The following MRPL42 variants were observed in gnomAD, a reference collection of about 807,000 sequenced individuals.
The protein encoded by MRPL42 is mitochondrial ribosomal protein L42.
MRPL42 carries 17 observed loss-of-function variants against 17.9 expected under a neutral mutation model. That is an observed-to-expected ratio of 0.95 (90% CI 0.65 to 1.42). The LOEUF (loss-of-function observed/expected upper bound fraction) is 1.42, where lower values mean the gene tolerates loss of function less well. MRPL42 is among the 40% of genes most tolerant of loss of function. MRPL42 has a pLI of 0.00. For missense variants in MRPL42, 177 were observed against 175.2 expected (o/e 1.01, Z -0.06); for synonymous variants, 59 against 54.4 (o/e 1.08, Z -0.37).
rs1265437607 is a variant in MRPL42, at chr12:93,495,424, T to G, written c.384-5752T>G. Reference sequence around the variant, plus strand: ...TTGTTGTTTGTATTTTTTGGAGAGATAGGGTTTGCCATGTTGCCCATGCTG... The same window carrying G: ...TTGTTGTTTGTATTTTTTGGAGAGAGAGGGTTTGCCATGTTGCCCATGCTG... On this transcript the variant is annotated intron_variant, in intron 5 of 5. Transcript: ENST00000549982. Among the ~76,000 whole-genome samples, 18 of 152,070 alleles carry G rather than the reference T, an allele frequency of 1.2e-4. No homozygotes were observed. The South Asian group carries it at 2.5e-3, about 21-fold the overall frequency.
At chr12:93,470,821 A>G (rs1392113704) in intron 2 of MRPL42, among the ~76,000 whole-genome samples, 2 of 152,244 alleles carry the variant, frequency 1.3e-5, no homozygotes, top group African/African-American at 2.4e-5. Flanking sequence ...GTAATAATCC[A>G]TGGTATGCAT....
Position 93,512,049 on chromosome 12 carries a change from C to T in MRPL42, c.*10828C>T, listed in dbSNP as rs2121306291. The T allele has an allele frequency of 6.6e-6, 1 of 152,308 alleles. No individual in the cohort carries two copies. The highest frequency in any genetic ancestry group is 1.9e-4 in the East Asian group (1 of 5,182). The allele number at this position is 152,308 out of a possible 1,614,324, so 9.4% of individuals were successfully genotyped here. A position where few individuals can be genotyped will look rare whatever the true frequency, so the allele number is the denominator to read the frequency against. On this transcript the variant is annotated 3_prime_UTR_variant, in exon 6 of 6. Coordinates refer to ENST00000549982, the MANE Select transcript of MRPL42 (RefSeq NM_014050.4). The stretch of plus-strand genomic sequence containing the variant: ...ATGTAATAGTTTGGAAAACAAACAA[C>T]TGTGATTACATTTAGAGATATGATG...
At chr12:93,479,733 G>C (rs1024720436) in intron 4 of MRPL42, among the ~76,000 whole-genome samples, 1 of 151,704 alleles carries the variant, frequency 6.6e-6, no homozygotes, top group East Asian at 1.9e-4. Flanking sequence ...TAGATTTCTG[G>C]TTAAGGATCA....
chr12:93,470,277 A>G (rs1039061901), intron 2 of MRPL42, among the ~76,000 whole-genome samples: 5 of 152,156 alleles, frequency 3.3e-5, no homozygotes, highest in African/African-American at 1.2e-4. Flanking sequence ...GGACCCAAAT[A>G]AGTAAATAGA....
chr12:93,488,517 T>C, intron 5 of MRPL42: 1 of 371,938 alleles, frequency 2.7e-6, no homozygotes, highest in Non-Finnish European at 4.8e-6. Flanking sequence ...ATTTTTACAT[T>C]CTATGATGTA....
At chr12:93,488,583 C>T (rs1178119826) in intron 5 of MRPL42, 1 of 297,772 alleles carries the variant, frequency 3.4e-6, no homozygotes, top group African/African-American at 2.2e-5. Context: ...ATTGTGTCTT[C>T]AGCCCTTTAT....
In MRPL42 at chr12:93,479,397, G is replaced by T; in HGVS notation, c.144G>T (p.Glu48Asp). The T allele has an allele frequency of 6.2e-7, 1 of 1,609,394 alleles. No individual in the cohort carries two copies. The highest frequency in any genetic ancestry group is 8.5e-7 in the Non-Finnish European group (1 of 1,177,834). The part of the protein sequence containing the change: ...PLPDDYNCNV[E>D]LALTSDGRTI... ...ACATTCTTTTTTTTAGCAACGTAGA[G>T]CTTGCTCTGACTTCTGATGGCAGGA... The change falls in exon 4 of 6, where the codon GAG becomes GAT. Residue 48 changes from glutamate to aspartate, a missense_variant. Coordinates refer to ENST00000549982, the MANE Select transcript of MRPL42 (RefSeq NM_014050.4).
At chr12:93,494,244 TCTGG>T (rs1384370007) in intron 5 of MRPL42, among the ~76,000 whole-genome samples, 2 of 152,204 alleles carry the variant, frequency 1.3e-5, no homozygotes, top group Admixed American at 1.3e-4. Flanking sequence ...AGTAGGTTAC[TCTGG>T]CTGCTACGCT....
chr12:93,500,338 G>T (rs933144916), intron 5 of MRPL42, among the ~76,000 whole-genome samples: 1 of 152,042 alleles, frequency 6.6e-6, no homozygotes, highest in Non-Finnish European at 1.5e-5. Context: ...AAAGTATTTT[G>T]AAGTAAAAGT....
At chr12:93,469,104 G>A (rs1409186027) in intron 1 of MRPL42, 88 bp from the exon 2 acceptor site, 8 of 513,540 alleles carry the variant, frequency 1.6e-5, no homozygotes, top group Non-Finnish European at 1.7e-5. Flanking sequence ...TTGACTTCTA[G>A]GCAGTGATTC....
At chr12:93,495,057 G>A (rs1953473034) in intron 5 of MRPL42, among the ~76,000 whole-genome samples, 1 of 152,096 alleles carries the variant, frequency 6.6e-6, no homozygotes. Flanking sequence ...TCTGTGATCT[G>A]GTGTGGTAAC....
Position 93,494,084 on chromosome 12 carries a change from C to G in MRPL42, c.383+6424C>G, listed in dbSNP as rs574016218. ...AGGCCATGTAGCCAGAATACATGAA[C>G]AAGGAAAAGACAGTAGGGCATGAGA... is the stretch of plus-strand genomic sequence containing the variant. On this transcript the variant is annotated intron_variant, in intron 5 of 5. Transcript: ENST00000549982. Among the ~76,000 whole-genome samples, 728 of 143,682 alleles carry G rather than the reference C, an allele frequency of 5.1e-3. 4 individuals carry two copies. The highest frequency in any genetic ancestry group is 8.9e-3 in the Non-Finnish European group (593 of 66,268). The allele number at this position is 143,682 out of a possible 152,430, so 94.3% of individuals were successfully genotyped here.
rs12427426 is a variant in MRPL42 at position 93,501,358 on chromosome 12, A to G, written c.*137A>G. On this transcript the variant is annotated 3_prime_UTR_variant, in exon 6 of 6. Coordinates refer to ENST00000549982, the MANE Select transcript of MRPL42 (RefSeq NM_014050.4). ...TTCATATATTAGAATGTGTACTTTT[A>G]TATAAAGTAATTCTGGATTTGACAT... 8.1e-5 allele frequency: 40 copies of G among 491,350 alleles called. No individual in the cohort carries two copies. The Admixed American group carries it at 1.2e-3, about 15-fold the overall frequency. 30.4% of individuals were successfully genotyped at this position (491,350 alleles called of 1,614,324 possible). A position where few individuals can be genotyped will look rare whatever the true frequency, so the allele number is the denominator to read the frequency against.
In MRPL42 at chr12:93,503,891, G is replaced by A. The variant is rs944930301; in HGVS notation, c.*2670G>A. The A allele has an allele frequency of 1.3e-5, 2 of 151,526 alleles. No individual in the cohort carries two copies. Among genetic ancestry groups the A allele is most frequent in the Middle Eastern group, 3.2e-3 (1 of 316 alleles). The allele number at this position is 151,526 out of a possible 1,614,324, so 9.4% of individuals were successfully genotyped here. A position where few individuals can be genotyped will look rare whatever the true frequency, so the allele number is the denominator to read the frequency against. ...CTTGTCATAATTTAATTAACTCCCT[G>A]CTGTTAGACAAAATCATTGTTTCTG... is the stretch of plus-strand genomic sequence containing the variant. On this transcript the variant is annotated 3_prime_UTR_variant, in exon 6 of 6. Coordinates refer to ENST00000549982, the MANE Select transcript of MRPL42 (RefSeq NM_014050.4).
rs1016453260 is a variant in MRPL42 at position 93,478,827 on chromosome 12, C to G, written c.135-561C>G. 2.6e-5 allele frequency among the ~76,000 whole-genome samples: 4 copies of G among 152,020 alleles called. 1 individual carries two copies. The highest frequency in any genetic ancestry group is 1.3e-4 in the Admixed American group (2 of 15,242). On this transcript the variant is annotated intron_variant, in intron 3 of 5. Coordinates refer to ENST00000549982, the MANE Select transcript of MRPL42 (RefSeq NM_014050.4). ...AAGCTGACATATTCTGTGGGATGGT[C>G]TTCATTTGTGTCCTGTGTTATGGGT...
chr12:93,472,070 C>T (rs1356146967), intron 2 of MRPL42, among the ~76,000 whole-genome samples: 1 of 152,182 alleles, frequency 6.6e-6, no homozygotes, highest in Non-Finnish European at 1.5e-5. Context: ...TGTACTGGAT[C>T]TAATTCATTT....
In MRPL42 at chr12:93,501,861, A is replaced by G. The variant is rs745836694; in HGVS notation, c.*640A>G. On this transcript the variant is annotated 3_prime_UTR_variant, in exon 6 of 6. Coordinates refer to ENST00000549982, the MANE Select transcript of MRPL42 (RefSeq NM_014050.4). Reference sequence around the variant, plus strand: ...AAGAAAATAAATGTTATGATGTTTCAGTTGGCTTCTAGGAAATAATTAAAT... The same window carrying G: ...AAGAAAATAAATGTTATGATGTTTCGGTTGGCTTCTAGGAAATAATTAAAT... The G allele has an allele frequency of 1.7e-5, 2 of 116,766 alleles. No homozygotes were observed. The highest frequency in any genetic ancestry group is 2.7e-5 in the African/African-American group (1 of 37,552). 7.2% of individuals were successfully genotyped at this position (116,766 alleles called of 1,614,324 possible). A position where few individuals can be genotyped will look rare whatever the true frequency, so the allele number is the denominator to read the frequency against.
chr12:93,500,604 T>A (rs1953571884), intron 5 of MRPL42: 1 of 152,250 alleles, frequency 6.6e-6, no homozygotes, highest in African/African-American at 2.4e-5. Flanking sequence ...TAAATAAAAC[T>A]TTTAACAGAA....
chr12:93,488,515 A>G (rs912138810), intron 5 of MRPL42: 3 of 372,104 alleles, frequency 8.1e-6, no homozygotes, highest in East Asian at 3.9e-5. Context: ...AAATTTTTAC[A>G]TTCTATGATG....
Sources: gnomAD v4.1 joint callset for allele counts (sites outside exome capture counted in the v4.1 genomes callset) on GRCh38, gnomAD v4.1.1 for gene constraint, MANE v1.5 for transcripts, NCBI Gene and HGNC (gene_info 2026-07-23, HGNC 2026-07-21) for gene names.